The following MYH15 variants were observed in gnomAD, a reference collection of about 807,000 sequenced individuals.
MYH15 encodes the protein myosin-15.
A neutral mutation model predicts 240.5 loss-of-function variants in MYH15; 227 were observed. The ratio of observed to expected loss-of-function variants is 0.94; its 90% CI spans 0.85 to 1.05. The LOEUF (loss-of-function observed/expected upper bound fraction) is 1.05, where lower values mean the gene tolerates loss of function less well. Ranked by LOEUF, MYH15 falls within the 50% of genes least tolerant of loss-of-function variation. The pLI is 0.00. For synonymous variants in MYH15, 785 were observed against 796.7 expected (o/e 0.99, Z 0.25); for missense variants, 2,217 against 2,247.5 (o/e 0.99, Z 0.27).
intron 16 of MYH15, among the ~76,000 whole-genome samples, chr3:108,460,822 A>G (rs2083065736): frequency 6.6e-6 from 1 of 152,140 alleles, no homozygotes; most frequent in East Asian, 1.9e-4. Flanking sequence ...GTATGTATAC[A>G]TGTTTTTTTA....
At chr3:108,452,890 A>G (rs373317161) in intron 21 of MYH15, among the ~76,000 whole-genome samples, 4 of 152,132 alleles carry the variant, frequency 2.6e-5, no homozygotes, top group African/African-American at 9.7e-5. Context: ...GGCTGAGGCA[A>G]GAGGATTGTT....
At chr3:108,446,261 G>C (rs974931731) in intron 21 of MYH15, among the ~76,000 whole-genome samples, 1 of 152,094 alleles carries the variant, frequency 6.6e-6, no homozygotes. Flanking sequence ...AGACACCAAG[G>C]CCTGCCCATG....
chr3:108,459,941 T>C (rs1409301547), intron 17 of MYH15, among the ~76,000 whole-genome samples: 2 of 152,144 alleles, frequency 1.3e-5, no homozygotes, highest in Non-Finnish European at 2.9e-5. Context: ...TAAACACGAA[T>C]GCACCAATTG....
intron 14 of MYH15, among the ~76,000 whole-genome samples, chr3:108,468,350 G>A (rs904389519): frequency 2.6e-5 from 4 of 152,164 alleles, no homozygotes; most frequent in African/African-American, 9.7e-5. Context: ...AGAGATGCAT[G>A]TTATACAACA....
intron 34 of MYH15, 34 bp downstream of exon 34, chr3:108,399,041 C>T (rs374190969): frequency 1.3e-5 from 20 of 1,589,824 alleles, no homozygotes; most frequent in South Asian, 2.3e-5. Flanking sequence ...ACATTTTCCA[C>T]CCCTCCCTAC....
intron 7 of MYH15, among the ~76,000 whole-genome samples, chr3:108,494,860 CT>C (rs925598242): frequency 1.3e-5 from 2 of 151,974 alleles, no homozygotes; most frequent in African/African-American, 4.8e-5. Flanking sequence ...TTCTTCTTTC[CT>C]TTTTTAAAAT....
At chr3:108,499,758 T>G (rs1451692834) in intron 4 of MYH15, among the ~76,000 whole-genome samples, 11 of 152,234 alleles carry the variant, frequency 7.2e-5, no homozygotes, top group Non-Finnish European at 1.5e-5. Context: ...CTTGCCATTT[T>G]AAGCCTTTTA....
In MYH15 at chr3:108,482,015, A is replaced by G. The variant is rs549406625; in HGVS notation, c.1114+3076T>C. On this transcript the variant is annotated intron_variant, in intron 11 of 40. Transcript: ENST00000693548. ...CCTATCCATCGTAGGCAAGGATGCA[A>G]GCAGGGAGACCAGGAAGGAGGCTGT... 2.6e-5 allele frequency among the ~76,000 whole-genome samples: 4 copies of G among 152,182 alleles called. No homozygotes were observed. In the East Asian group the frequency reaches 5.8e-4, roughly 22 times the overall value.
intron 5 of MYH15, among the ~76,000 whole-genome samples, chr3:108,498,558 G>A (rs2083412079): frequency 6.6e-6 from 1 of 152,216 alleles, no homozygotes; most frequent in South Asian, 2.1e-4. Context: ...ACTTCACCAG[G>A]CAGTTGGGCT....
At chr3:108,383,316 A>G (rs933997479) in intron 40 of MYH15, among the ~76,000 whole-genome samples, 1 of 152,232 alleles carries the variant, frequency 6.6e-6, no homozygotes, top group African/African-American at 2.4e-5. Flanking sequence ...TACACTAATG[A>G]ATCCAGGCCC....
chr3:108,478,136 C>T (rs2083236185), intron 11 of MYH15, among the ~76,000 whole-genome samples: 1 of 151,962 alleles, frequency 6.6e-6, no homozygotes, highest in Admixed American at 6.6e-5. Context: ...TAATCACGAA[C>T]AGAAAATAAA....
chr3:108,390,257 C>G (rs1273205731), intron 37 of MYH15, among the ~76,000 whole-genome samples: 1 of 152,136 alleles, frequency 6.6e-6, no homozygotes, highest in African/African-American at 2.4e-5. Flanking sequence ...GGATATCATT[C>G]TAATAGGTAA....
intron 1 of MYH15, among the ~76,000 whole-genome samples, chr3:108,525,284 T>C (rs1174290402): frequency 6.6e-6 from 1 of 152,116 alleles, no homozygotes; most frequent in Admixed American, 6.6e-5. Context: ...TAAATAATGA[T>C]GAATAAATGA....
intron 3 of MYH15, among the ~76,000 whole-genome samples, chr3:108,501,506 T>A (rs1041907101): frequency 6.6e-6 from 1 of 152,172 alleles, no homozygotes; most frequent in African/African-American, 2.4e-5. Context: ...TGCTTTTAAC[T>A]AAGGATGACC....
intron 5 of MYH15, among the ~76,000 whole-genome samples, chr3:108,498,689 T>C (rs1576270791): frequency 6.6e-6 from 1 of 152,204 alleles, no homozygotes; most frequent in African/African-American, 2.4e-5. Context: ...CCTTTATCTA[T>C]ACAAAACTCC....
chr3:108,534,716 ATT>A, the MYH15 span, among the ~76,000 whole-genome samples: 7 of 104,022 alleles, frequency 6.7e-5, no homozygotes, highest in Non-Finnish European at 1.5e-4. Context: ...AAAAAAAAAA[ATT>A]TTTTTTTTTT....
chr3:108,425,162 A>C (rs1027363161), intron 27 of MYH15, among the ~76,000 whole-genome samples: 4 of 152,246 alleles, frequency 2.6e-5, no homozygotes, highest in African/African-American at 7.2e-5. Context: ...GAGAATAATT[A>C]GTTTGGAAAA....
At chr3:108,439,982 T>A in intron 23 of MYH15, 69 bp from the exon 24 acceptor site, 4 of 1,362,308 alleles carry the variant, frequency 2.9e-6, no homozygotes. Flanking sequence ...TGAGGGTCAT[T>A]TCTCTTCTGT....
At chr3:108,474,473 A>G (rs1348685830) in intron 12 of MYH15, among the ~76,000 whole-genome samples, 1 of 143,452 alleles carries the variant, frequency 7.0e-6, no homozygotes, top group Non-Finnish European at 1.5e-5. Context: ...TTTATTTTTT[A>G]TTTTTGCTTT....
Sources: allele counts gnomAD v4.1 joint callset (sites outside exome capture counted in the v4.1 genomes callset), GRCh38; gene constraint gnomAD v4.1.1; transcripts MANE v1.5; gene names NCBI Gene and HGNC (gene_info 2026-07-23, HGNC 2026-07-21).